Variants in EDA observed in about 807,000 individuals in gnomAD.
The protein encoded by EDA is ectodysplasin A, also known as ectodysplasin-A.
Under a neutral mutation model 23.6 loss-of-function variants are expected in EDA, and 2 were observed. That is an observed-to-expected ratio of 0.08 (90% CI 0.03 to 0.27). EDA has a LOEUF of 0.27. Ranked by LOEUF, EDA falls within the 10% of genes least tolerant of loss-of-function variation. The pLI is 1.00. For missense variants in EDA, 229 were observed against 324.2 expected (o/e 0.71, Z 2.26); for synonymous variants, 131 against 132.0 (o/e 0.99, Z 0.05).
chrX:69,994,111 C>T (rs949380012), intron 2 of EDA, among the ~76,000 whole-genome samples: 5 of 111,249 alleles, frequency 4.5e-5, no homozygotes, highest in Admixed American at 2.9e-4. Context: ...GTGCTCATTG[C>T]TCCCTAAGAC....
chrX:69,742,350 T>G (rs947270658), intron 1 of EDA, among the ~76,000 whole-genome samples: 1 of 111,585 alleles, frequency 9.0e-6, no homozygotes. Context: ...TCTGTGTTTT[T>G]GGCTGTAATT....
At chrX:69,861,633 T>C (rs184170600) in intron 1 of EDA, among the ~76,000 whole-genome samples, 1,305 of 111,900 alleles carry the variant, frequency 0.012, 9 homozygotes, top group Non-Finnish European at 0.018. Flanking sequence ...ATATGCTCTC[T>C]ATAAGACACT....
At chrX:69,799,957 C>T (rs982844799) in intron 1 of EDA, among the ~76,000 whole-genome samples, 7 of 112,053 alleles carry the variant, frequency 6.2e-5, no homozygotes, top group Admixed American at 3.8e-4. Context: ...AATCAAGATA[C>T]GGAGTCAACC....
intron 1 of EDA, among the ~76,000 whole-genome samples, chrX:69,952,554 A>G (rs2147412390): frequency 8.9e-6 from 1 of 112,158 alleles, no homozygotes; most frequent in African/African-American, 3.2e-5. Flanking sequence ...CTGAGTGGGG[A>G]CACAGCCAAA....
chrX:69,682,981 TG>T (rs1330088871), intron 1 of EDA, among the ~76,000 whole-genome samples: 1 of 111,783 alleles, frequency 8.9e-6, no homozygotes, highest in Non-Finnish European at 1.9e-5. Flanking sequence ...CCTCTGTAGC[TG>T]GATACCCCAG....
intron 1 of EDA, among the ~76,000 whole-genome samples, chrX:69,629,085 G>A (rs1932483354): frequency 8.9e-6 from 1 of 111,817 alleles, no homozygotes; most frequent in African/African-American, 3.3e-5. Flanking sequence ...GTAGAATAAA[G>A]TTCAGACTTC....
chrX:69,865,518 A>G (rs1251092712), intron 1 of EDA, among the ~76,000 whole-genome samples: 2 of 111,507 alleles, frequency 1.8e-5, no homozygotes, highest in East Asian at 2.8e-4. Flanking sequence ...TGCCTGCTTT[A>G]TATTCACTGG....
At chrX:69,829,789 G>A (rs1171731908) in intron 1 of EDA, among the ~76,000 whole-genome samples, 2 of 111,745 alleles carry the variant, frequency 1.8e-5, no homozygotes, top group African/African-American at 6.5e-5. Context: ...CACTAGTCAT[G>A]TTTCTTTTAT....
At chrX:69,833,416 G>C (rs1324413962) in intron 1 of EDA, among the ~76,000 whole-genome samples, 1 of 111,063 alleles carries the variant, frequency 9.0e-6, no homozygotes, top group Non-Finnish European at 1.9e-5. Context: ...TAAGCTTTTT[G>C]CTGTGCTGCT....
intron 1 of EDA, among the ~76,000 whole-genome samples, chrX:69,737,947 T>C (rs1021404052): frequency 1.8e-5 from 2 of 111,492 alleles, no homozygotes; most frequent in African/African-American, 6.5e-5. Flanking sequence ...ATTCTTACCT[T>C]TGTTCTGCTA....
intron 1 of EDA, among the ~76,000 whole-genome samples, chrX:69,903,195 T>C (rs1318239874): frequency 9.0e-6 from 1 of 111,475 alleles, no homozygotes; most frequent in Non-Finnish European, 1.9e-5. Flanking sequence ...GCTACTTACA[T>C]GTATGCAGCT....
intron 1 of EDA, among the ~76,000 whole-genome samples, chrX:69,700,694 C>T (rs996877149): frequency 1.8e-5 from 2 of 110,790 alleles, no homozygotes; most frequent in African/African-American, 6.6e-5. Context: ...AAGGGTAATG[C>T]GGACAGGAGT....
chrX:69,693,399 C>G (rs1167692150), intron 1 of EDA, among the ~76,000 whole-genome samples: 2 of 111,467 alleles, frequency 1.8e-5, no homozygotes, highest in Non-Finnish European at 3.8e-5. Context: ...ACATACTATA[C>G]TGGAAAATAC....
At chrX:69,701,980 T>C (rs746420525) in intron 1 of EDA, among the ~76,000 whole-genome samples, 1 of 111,147 alleles carries the variant, frequency 9.0e-6, no homozygotes, top group South Asian at 3.9e-4. Context: ...GTCCCGGTCT[T>C]CTGGGGTGAG....
rs906886570 is a variant in EDA at position 70,039,331 on chromosome X, A to G, written c.*3722A>G. ...GTGAGAATGGCCTGGAGCAGGCCCA[A>G]TGCTGCTTTTGGGGGTCAGCATCCA... On this transcript the variant is annotated 3_prime_UTR_variant, in exon 8 of 8. Coordinates refer to ENST00000374552, the MANE Select transcript of EDA (RefSeq NM_001399.5). 16 of 112,285 alleles carry G rather than the reference A, an allele frequency of 1.4e-4. No homozygotes were observed. Among genetic ancestry groups the G allele is most frequent in the Admixed American group, 2.8e-4 (3 of 10,562 alleles). The allele number at this position is 112,285 out of a possible 1,213,427, so 9.3% of individuals were successfully genotyped here.
intron 1 of EDA, among the ~76,000 whole-genome samples, chrX:69,943,966 C>A (rs1040614560): frequency 6.5e-5 from 7 of 108,049 alleles, no homozygotes; most frequent in Non-Finnish European, 5.8e-5. Flanking sequence ...GCCTCAGGCC[C>A]ATGGTGAGTA....
chrX:69,978,976 T>G (rs1269664234), intron 2 of EDA, among the ~76,000 whole-genome samples: 1 of 111,831 alleles, frequency 8.9e-6, no homozygotes, highest in Non-Finnish European at 1.9e-5. Flanking sequence ...TTCATAATGT[T>G]GTGCAACCAT....
chrX:69,985,647 TC>T (rs2019483693), intron 2 of EDA, among the ~76,000 whole-genome samples: 1 of 17,297 alleles, frequency 5.8e-5, no homozygotes, highest in Non-Finnish European at 1.1e-4. Flanking sequence ...GGAAGAACAT[TC>T]CATGCTCATG....
chrX:69,987,185 T>C (rs1365433316), intron 2 of EDA, among the ~76,000 whole-genome samples: 1 of 98,268 alleles, frequency 1.0e-5, no homozygotes, highest in Non-Finnish European at 2.0e-5. Flanking sequence ...GATGACATGT[T>C]AGTGGGTGCA....
Sources: gnomAD v4.1 joint callset for allele counts (sites outside exome capture counted in the v4.1 genomes callset) on GRCh38, gnomAD v4.1.1 for gene constraint, MANE v1.5 for transcripts, NCBI Gene and HGNC (gene_info 2026-07-23, HGNC 2026-07-21) for gene names.